The following FAM47E variants were observed in gnomAD, a reference collection of about 807,000 sequenced individuals.
FAM47E encodes family with sequence similarity 47 member E.
FAM47E carries 32 observed loss-of-function variants against 41.6 expected under a neutral mutation model. The ratio of observed to expected loss-of-function variants is 0.77; its 90% CI spans 0.58 to 1.03. The LOEUF is 1.03. Among genes scored for constraint, FAM47E ranks in the 50% least tolerant of loss-of-function variants. The pLI is 0.00. For missense variants in FAM47E, 424 were observed against 485.4 expected (o/e 0.87, Z 1.19); for synonymous variants, 184 against 188.7 (o/e 0.98, Z 0.20).
chr4:76,257,763 C>A (rs1734251223), intron 2 of FAM47E, among the ~76,000 whole-genome samples: 1 of 152,048 alleles, frequency 6.6e-6, no homozygotes, highest in Non-Finnish European at 1.5e-5. Context: ...CACTTCCCTT[C>A]CACCCTCACA....
intron 2 of FAM47E, among the ~76,000 whole-genome samples, chr4:76,242,797 G>A (rs529894488): frequency 1.1e-4 from 16 of 152,064 alleles, no homozygotes; most frequent in Non-Finnish European, 2.1e-4. Context: ...TTTTTTATGT[G>A]GAGCTAAATA....
At chr4:76,271,898 T>C in intron 5 of FAM47E, 130 bp downstream of exon 5, 1 of 1,042,046 alleles carries the variant, frequency 9.6e-7, no homozygotes, top group Non-Finnish European at 1.3e-6. Flanking sequence ...TTTTTCATGA[T>C]TAATATTTGT....
chr4:76,265,640 T>A (rs1231948224), intron 3 of FAM47E, among the ~76,000 whole-genome samples: 1 of 151,904 alleles, frequency 6.6e-6, no homozygotes, highest in African/African-American at 2.4e-5. Flanking sequence ...TAGTCACTGG[T>A]GAGTTTATGC....
At chr4:76,261,339 A>G (rs927632838) in intron 2 of FAM47E, among the ~76,000 whole-genome samples, 6 of 152,166 alleles carry the variant, frequency 3.9e-5, no homozygotes, top group Non-Finnish European at 8.8e-5. Context: ...ACCCAAAGGA[A>G]AAGAAATTGT....
intron 1 of FAM47E, chr4:76,214,534 C>A: frequency 2.9e-6 from 1 of 344,834 alleles, no homozygotes; most frequent in East Asian, 8.6e-5. Context: ...GGTGTTGAGG[C>A]CCCAAGAGGT....
chr4:76,244,575 C>T (rs1462497980), intron 2 of FAM47E, among the ~76,000 whole-genome samples: 1 of 117,928 alleles, frequency 8.5e-6, no homozygotes, highest in African/African-American at 3.2e-5. Flanking sequence ...GAGTCTCACT[C>T]TGTTGCCCAG....
upstream of FAM47E, among the ~76,000 whole-genome samples, chr4:76,249,774 G>A (rs772323498): frequency 6.6e-5 from 10 of 151,898 alleles, no homozygotes; most frequent in Non-Finnish European, 1.5e-4. Context: ...TCCTACTTAT[G>A]AGTGAGAATG....
chr4:76,239,874 G>A (rs918788011), intron 2 of FAM47E, among the ~76,000 whole-genome samples: 2 of 152,024 alleles, frequency 1.3e-5, no homozygotes, highest in Admixed American at 1.3e-4. Context: ...TCTTACATTA[G>A]GTTATGGATC....
chr4:76,247,910 CTTTTTTT>C (rs753751295), upstream of FAM47E, among the ~76,000 whole-genome samples: 509 of 86,856 alleles, frequency 5.9e-3, 4 homozygotes, highest in African/African-American at 0.02. Context: ...CACTCTCTCT[CTTTTTTT>C]TTTTTTTTTT....
intron 4 of FAM47E, 72 bp downstream of exon 4, chr4:76,268,840 A>G: frequency 2.0e-6 from 3 of 1,513,208 alleles, no homozygotes; most frequent in Non-Finnish European, 1.8e-6. Flanking sequence ...ATTTAAACCT[A>G]CTTTTAAATG....
chr4:76,240,219 A>G (rs921638110), intron 2 of FAM47E, among the ~76,000 whole-genome samples: 1 of 152,214 alleles, frequency 6.6e-6, no homozygotes, highest in Non-Finnish European at 1.5e-5. Context: ...ACTTTATATC[A>G]GCCTACTGCT....
intron 2 of FAM47E, among the ~76,000 whole-genome samples, chr4:76,246,502 G>A (rs541514275): frequency 3.1e-4 from 47 of 152,140 alleles, no homozygotes; most frequent in Non-Finnish European, 6.2e-4. Context: ...ATTTCTCTAG[G>A]ATTATTTTCC....
chr4:76,236,897 C>CTT (rs770275863), intron 2 of FAM47E, among the ~76,000 whole-genome samples: 4 of 136,366 alleles, frequency 2.9e-5, no homozygotes, highest in Non-Finnish European at 4.8e-5. Context: ...TCTTTTCTTT[C>CTT]TTTTTTTTTT....
intron 2 of FAM47E, among the ~76,000 whole-genome samples, chr4:76,243,433 C>A (rs945999240): frequency 2.0e-5 from 3 of 152,066 alleles, no homozygotes; most frequent in African/African-American, 4.8e-5. Flanking sequence ...TGATTTTGTT[C>A]CTATTACTGC....
chr4:76,273,366 T>C (rs1377998258), intron 5 of FAM47E, among the ~76,000 whole-genome samples: 2 of 152,230 alleles, frequency 1.3e-5, no homozygotes, highest in African/African-American at 4.8e-5. Flanking sequence ...AAAACATGGA[T>C]AAGGGGGAAT....
At chr4:76,262,844 C>T (rs985673498) in intron 2 of FAM47E, among the ~76,000 whole-genome samples, 6 of 152,050 alleles carry the variant, frequency 3.9e-5, no homozygotes, top group Non-Finnish European at 4.4e-5. Flanking sequence ...TTCACTGTTA[C>T]CTCAAACTCC....
At chr4:76,248,796 G>GTCTCTC (rs35402896), upstream of FAM47E, among the ~76,000 whole-genome samples, 129 of 149,428 alleles carry the variant, frequency 8.6e-4, no homozygotes, top group South Asian at 0.01. Flanking sequence ...GAATCTCTCA[G>GTCTCTC]TCTCTCTCTC....
intron 3 of FAM47E, among the ~76,000 whole-genome samples, chr4:76,267,087 A>C (rs4859651): frequency 4.0e-5 from 6 of 151,870 alleles, no homozygotes; most frequent in Non-Finnish European, 8.8e-5. Flanking sequence ...TTTGTTTACT[A>C]TCTGTCTCTC....
At chr4:76,273,715 T>G (rs1404633265) in intron 5 of FAM47E, among the ~76,000 whole-genome samples, 1 of 152,058 alleles carries the variant, frequency 6.6e-6, no homozygotes, top group Non-Finnish European at 1.5e-5. Context: ...TTTTTTTTTG[T>G]TGTTTTTCAA....
Sources: allele counts gnomAD v4.1 joint callset (sites outside exome capture counted in the v4.1 genomes callset), GRCh38; gene constraint gnomAD v4.1.1; transcripts MANE v1.5; gene names NCBI Gene and HGNC (gene_info 2026-07-23, HGNC 2026-07-21).